The following DPY19L3 variants were observed in gnomAD, a reference collection of about 807,000 sequenced individuals.
DPY19L3 encodes the protein protein C-mannosyl-transferase DPY19L3.
DPY19L3 carries 51 observed loss-of-function variants against 92.3 expected under a neutral mutation model. The observed-to-expected ratio is 0.55, with a 90% CI of 0.44 to 0.70. The LOEUF (loss-of-function observed/expected upper bound fraction) is 0.70, where lower values mean the gene tolerates loss of function less well. Among genes scored for constraint, DPY19L3 ranks in the 30% least tolerant of loss-of-function variants. The pLI, the probability that DPY19L3 is intolerant of heterozygous loss-of-function variation, is 0.00. For synonymous variants in DPY19L3, 309 were observed against 315.2 expected (o/e 0.98, Z 0.21); for missense variants, 706 against 855.9 (o/e 0.82, Z 2.18).
At chr19:32,420,008 C>T (rs1002414832) in intron 3 of DPY19L3, among the ~76,000 whole-genome samples, 1 of 151,448 alleles carries the variant, frequency 6.6e-6, no homozygotes, top group African/African-American at 2.4e-5. Context: ...TACAGGCAGG[C>T]ACCACCACGC....
At chr19:32,467,338 C>A in intron 15 of DPY19L3, 1 of 654,554 alleles carries the variant, frequency 1.5e-6, no homozygotes, top group Non-Finnish European at 1.9e-6. Flanking sequence ...TATGTTTATA[C>A]TGTAAGAATT....
chr19:32,420,274 G>A (rs1968524815), intron 3 of DPY19L3, among the ~76,000 whole-genome samples: 1 of 152,090 alleles, frequency 6.6e-6, no homozygotes, highest in Non-Finnish European at 1.5e-5. Flanking sequence ...GAGGGGTATG[G>A]GGTAGGCAGA....
chr19:32,474,364 T>C (rs1970442005), intron 16 of DPY19L3, among the ~76,000 whole-genome samples: 1 of 152,212 alleles, frequency 6.6e-6, no homozygotes, highest in African/African-American at 2.4e-5. Flanking sequence ...GCTCTGCTGG[T>C]GATGGCCCTG....
chr19:32,431,622 A>T (rs1968971294), intron 3 of DPY19L3, among the ~76,000 whole-genome samples: 1 of 152,168 alleles, frequency 6.6e-6, no homozygotes, highest in Admixed American at 6.5e-5. Context: ...AATCTTGGGG[A>T]TAGGATTCAG....
intron 3 of DPY19L3, chr19:32,412,585 T>C (rs1017325292): frequency 1.3e-5 from 2 of 152,124 alleles, no homozygotes; most frequent in African/African-American, 4.8e-5. Context: ...TTGCAGGGCA[T>C]AGGGCGATGG....
rs1310593857 is a variant in DPY19L3, at chr19:32,485,269, G to A, written c.*3029G>A. The A allele has an allele frequency of 6.6e-6, 1 of 152,132 alleles. No individual in the cohort carries two copies. The highest frequency in any genetic ancestry group is 6.5e-5 in the Admixed American group (1 of 15,286). The allele number at this position is 152,132 out of a possible 1,614,324, so 9.4% of individuals were successfully genotyped here. A position where few individuals can be genotyped will look rare whatever the true frequency, so the allele number is the denominator to read the frequency against. Reference sequence around the variant, plus strand: ...AAGGTTCTAATCACTTTCATTACAGGCATTTGAAAAATAGGGATTCATTTC... The same window carrying A: ...AAGGTTCTAATCACTTTCATTACAGACATTTGAAAAATAGGGATTCATTTC... On this transcript the variant is annotated 3_prime_UTR_variant, in exon 19 of 19. Coordinates refer to ENST00000392250, the MANE Select transcript of DPY19L3 (RefSeq NM_001172774.2).
chr19:32,433,038 C>G (rs545623562), intron 4 of DPY19L3, among the ~76,000 whole-genome samples: 3 of 152,282 alleles, frequency 2.0e-5, no homozygotes, highest in Non-Finnish European at 4.4e-5. Flanking sequence ...AAAGTAATAT[C>G]TTTGCAATTT....
intron 11 of DPY19L3, 28 bp from the exon 12 acceptor site, chr19:32,458,323 A>T (rs1415991764): frequency 6.2e-7 from 1 of 1,605,270 alleles, no homozygotes; most frequent in African/African-American, 1.3e-5. Flanking sequence ...TATTGAATTT[A>T]ATACTTTGCT....
rs566814030 is a variant in DPY19L3, at chr19:32,458,457, G to A, written c.1270G>A (p.Val424Ile). The change falls in exon 12 of 19, where the codon GTT becomes ATT. Residue 424 changes from valine to isoleucine, a missense_variant. Transcript: ENST00000392250. ...DTLLFYAYIF[V>I]LSITVIVAFV... is the part of the protein sequence containing the mutation. ...TCTGCTTTTTTATGCTTACATATTC[G>A]TTCTGTCCATCACAGTGATTGTAGC... is the stretch of plus-strand genomic sequence containing the variant. 3.9e-5 allele frequency: 63 copies of A among 1,613,646 alleles called. No individual in the cohort carries two copies. The highest frequency in any genetic ancestry group is 3.8e-4 in the Admixed American group (23 of 60,004).
At chr19:32,480,842 A>T (rs1448192742) in intron 18 of DPY19L3, 2 of 487,050 alleles carry the variant, frequency 4.1e-6, no homozygotes, top group Non-Finnish European at 7.2e-6. Flanking sequence ...GCTCTGCATA[A>T]AATGTATCTG....
intron 3 of DPY19L3, among the ~76,000 whole-genome samples, chr19:32,418,679 G>A (rs1245190808): frequency 2.0e-5 from 3 of 152,154 alleles, no homozygotes; most frequent in Non-Finnish European, 4.4e-5. Flanking sequence ...TTTGAGAAGA[G>A]TAAATCTGCT....
chr19:32,428,720 G>T (rs113875902), intron 3 of DPY19L3, among the ~76,000 whole-genome samples: 5 of 152,296 alleles, frequency 3.3e-5, no homozygotes, highest in African/African-American at 1.2e-4. Flanking sequence ...CTGAGTGCCT[G>T]TGGGGAATGT....
rs1218889653 is a variant in DPY19L3 at position 32,484,715 on chromosome 19, C to T, written c.*2475C>T. The T allele has an allele frequency of 1.3e-5, 2 of 152,268 alleles. No individual in the cohort carries two copies. The highest frequency in any genetic ancestry group is 3.9e-4 in the East Asian group (2 of 5,176). The allele number at this position is 152,268 out of a possible 1,614,324, so 9.4% of individuals were successfully genotyped here. On this transcript the variant is annotated 3_prime_UTR_variant, in exon 19 of 19. Transcript: ENST00000392250. ...GGCTCCCTCCCTGGAGTTGTGCACCCGTCCCAAACTCCTCCATGCAAGTTC... is the reference window on the plus strand; with the variant it reads ...GGCTCCCTCCCTGGAGTTGTGCACCTGTCCCAAACTCCTCCATGCAAGTTC...
Position 32,463,392 on chromosome 19 carries a change from G to C in DPY19L3, c.1349G>C (p.Gly450Ala). The change falls in exon 13 of 19, where the codon GGT becomes GCT. Residue 450 changes from glycine to alanine, a missense_variant. Physicochemically the swap from Gly to Ala is moderately conservative, Grantham distance 60. Coordinates refer to ENST00000392250, the MANE Select transcript of DPY19L3 (RefSeq NM_001172774.2). ...LSDSTNQQSV[G>A]KMEKGTVDLK... Reference sequence around the variant, plus strand: ...GATTCTACAAATCAACAATCCGTGGGTAAAATGGAAAAAGGCACAGTTGAC... The same window carrying C: ...GATTCTACAAATCAACAATCCGTGGCTAAAATGGAAAAAGGCACAGTTGAC... The C allele has an allele frequency of 6.2e-7, 1 of 1,613,726 alleles. No individual in the cohort carries two copies. Among genetic ancestry groups the C allele is most frequent in the South Asian group, 1.1e-5 (1 of 91,066 alleles).
intron 1 of DPY19L3, 28 bp from the exon 2 acceptor site, chr19:32,408,189 C>T (rs1004692831): frequency 3.2e-5 from 37 of 1,172,694 alleles, no homozygotes; most frequent in Admixed American, 7.5e-5. Context: ...AAGGCACTGA[C>T]GTTGATGGCC....
chr19:32,442,189 A>C (rs73567559), intron 8 of DPY19L3, among the ~76,000 whole-genome samples: 5,909 of 152,314 alleles, frequency 0.039, 359 homozygotes, highest in African/African-American at 0.14. Context: ...GACAAGAAGC[A>C]GTACCTTCTA....
At chr19:32,410,572 C>T (rs1366769379) in intron 2 of DPY19L3, among the ~76,000 whole-genome samples, 1 of 152,088 alleles carries the variant, frequency 6.6e-6, no homozygotes, top group African/African-American at 2.4e-5. Context: ...CACTTGAGGT[C>T]AGGAGTTCAA....
In DPY19L3 at chr19:32,417,260, TG is replaced by T. The variant is rs1232191077; in HGVS notation, c.237+5893del. Among the ~76,000 whole-genome samples, 11 of 152,326 alleles carry T rather than the reference TG, an allele frequency of 7.2e-5. No homozygotes were observed. In the East Asian group the frequency reaches 1.7e-3, roughly 24 times the overall value. On this transcript the variant is annotated intron_variant, in intron 3 of 18. Transcript: ENST00000392250. ...GACCCAGTGGGAGGTAATTGAATCA[TG>T]GGGGCGGGCCTTTCCTGTGCTGTTC...
intron 3 of DPY19L3, among the ~76,000 whole-genome samples, chr19:32,420,617 CTT>C (rs2145428832): frequency 6.6e-6 from 1 of 151,978 alleles, no homozygotes; most frequent in African/African-American, 2.4e-5. Context: ...GCCCAGCTAA[CTT>C]TTGTATTTTT....
Sources: allele counts gnomAD v4.1 joint callset (sites outside exome capture counted in the v4.1 genomes callset), GRCh38; gene constraint gnomAD v4.1.1; transcripts MANE v1.5; gene names NCBI Gene and HGNC (gene_info 2026-07-23, HGNC 2026-07-21).